TMEM94: variants seen among roughly 807,000 people sequenced by gnomAD.
TMEM94 encodes the protein ER Mg2+ ATPase.
Under a neutral mutation model 158.6 loss-of-function variants are expected in TMEM94, and 81 were observed. That is an observed-to-expected ratio of 0.51 (90% CI 0.43 to 0.61). The LOEUF (loss-of-function observed/expected upper bound fraction) is 0.61. Among genes scored for constraint, TMEM94 ranks in the 20% least tolerant of loss-of-function variants. The pLI is 0.00. For synonymous variants in TMEM94, 751 were observed against 730.7 expected (o/e 1.03, Z -0.45); for missense variants, 1,435 against 1,762.0 (o/e 0.81, Z 3.32).
chr17:75,471,022 A>G lies in TMEM94; in HGVS notation c.-106-778A>G, dbSNP rs554539389. ...GGGAGGCTGAGGCGGGTGGATCACA[A>G]GGTCAGGAGTTCAAGACCAGCCTGG... On this transcript the variant is annotated intron_variant, in intron 1 of 31. Coordinates refer to ENST00000314256, the MANE Select transcript of TMEM94 (RefSeq NM_014738.6). Among the ~76,000 whole-genome samples, 52 of 151,768 alleles carry G rather than the reference A, an allele frequency of 3.4e-4. No homozygotes were observed. In the East Asian group the frequency reaches 9.9e-3, roughly 29 times the overall value.
At chr17:75,475,292 G>C (rs8069211) in intron 2 of TMEM94, among the ~76,000 whole-genome samples, 135,173 of 152,224 alleles carry the variant, frequency 0.89, 60,842 homozygotes, top group African/African-American at 0.97. Context: ...TTTGGGGGCC[G>C]CACAGGGAGT....
chr17:75,476,292 G>A (rs2050687434), intron 2 of TMEM94, among the ~76,000 whole-genome samples: 1 of 152,144 alleles, frequency 6.6e-6, no homozygotes, highest in Admixed American at 6.5e-5. Context: ...CTGGCTGCAT[G>A]GTGCCCCTCA....
rs199681448 is a variant in TMEM94, at chr17:75,489,334, C to T, written c.833C>T (p.Ser278Leu). The change falls in exon 8 of 32, where the codon TCG (serine) becomes TTG (leucine). Residue 278 changes from serine to leucine, a missense_variant. Physicochemically the swap from Ser to Leu is moderately radical, Grantham distance 145 (BLOSUM62 -2). Around this residue, in one of 3 missense-constraint regions of TMEM94, gnomAD observed 1,051 missense variants for 1,254.4 expected, o/e 0.84. Transcript: ENST00000314256. This position sits in a 1 kb window ranked among gnomAD's most constrained non-coding sequence, Gnocchi z 5.0. ...ALDNERFTVQ[S>L]VMLHYAVPVV... ...GACAATGAGCGGTTCACAGTGCAGT[C>T]GGTGATGCTACACTATGCTGTGCCC... 3.9e-5 allele frequency: 63 copies of T among 1,614,146 alleles called. No individual in the cohort carries two copies. The highest frequency in any genetic ancestry group is 1.6e-4 in the Middle Eastern group (1 of 6,062).
chr17:75,485,370 C>T lies in TMEM94; in HGVS notation c.25-58C>T, dbSNP rs2051502913. On this transcript the variant is annotated intron_variant, in intron 2 of 31. Coordinates refer to ENST00000314256, the MANE Select transcript of TMEM94 (RefSeq NM_014738.6). The surrounding 1 kb of genome is among the most constrained non-coding windows in gnomAD (Gnocchi z 5.5). The stretch of plus-strand genomic sequence containing the variant: ...CAGGGAAGGGGAGGGTTGGGGCCCG[C>T]GTGCCTTGCATAGCCTTGGCCTGGC... 1.2e-5 allele frequency: 19 copies of T among 1,579,706 alleles called. No individual in the cohort carries two copies. Among genetic ancestry groups the T allele is most frequent in the South Asian group, 7.8e-5 (7 of 89,608 alleles).
intron 2 of TMEM94, among the ~76,000 whole-genome samples, chr17:75,482,632 A>C (rs2051270261): frequency 6.6e-6 from 1 of 152,192 alleles, no homozygotes; most frequent in Non-Finnish European, 1.5e-5. Context: ...TGGAGCCTAG[A>C]CATCCACCAC....
chr17:75,483,930 TAC>T (rs1421268499), intron 2 of TMEM94, among the ~76,000 whole-genome samples: 2 of 152,144 alleles, frequency 1.3e-5, no homozygotes, highest in Non-Finnish European at 2.9e-5. Context: ...TCTGGAAACC[TAC>T]AGAGGTTGGT....
intron 1 of TMEM94, among the ~76,000 whole-genome samples, chr17:75,465,745 C>A (rs2050289995): frequency 6.7e-6 from 1 of 149,918 alleles, no homozygotes. Flanking sequence ...TGGTATGTTG[C>A]TCAGGCTAGA....
intron 2 of TMEM94, among the ~76,000 whole-genome samples, chr17:75,475,188 C>T (rs531435565): frequency 1.3e-5 from 2 of 152,314 alleles, no homozygotes; most frequent in East Asian, 1.9e-4. Flanking sequence ...GAAGCTGACC[C>T]CCACTGCCAA....
In TMEM94 at chr17:75,498,047, C is replaced by A; in HGVS notation, c.3490-128C>A. On this transcript the variant is annotated intron_variant, in intron 27 of 31. Transcript: ENST00000314256. The surrounding 1 kb of genome is among the most constrained non-coding windows in gnomAD (Gnocchi z 6.7). Reference sequence around the variant, plus strand: ...GGCACAGAGCTGGGAAAGACCCTTGCTGGGGCTTGAGCTCCCTATCCCCCC... The same window carrying A: ...GGCACAGAGCTGGGAAAGACCCTTGATGGGGCTTGAGCTCCCTATCCCCCC... 1 of 1,315,338 alleles carries A rather than the reference C, an allele frequency of 7.6e-7. No individual in the cohort carries two copies. Among genetic ancestry groups the A allele is most frequent in the Non-Finnish European group, 1.1e-6 (1 of 946,410 alleles). 81.5% of individuals were successfully genotyped at this position (1,315,338 alleles called of 1,614,324 possible).
Position 75,491,911 on chromosome 17 carries a change from G to C in TMEM94, c.1596+11G>C, listed in dbSNP as rs201760105. 2 of 1,600,830 alleles carry C rather than the reference G, an allele frequency of 1.2e-6. No homozygotes were observed. Among genetic ancestry groups the C allele is most frequent in the South Asian group, 1.1e-5 (1 of 89,644 alleles). On this transcript the variant is annotated intron_variant, in intron 14 of 31. Transcript: ENST00000314256. The surrounding 1 kb of genome is among the most constrained non-coding windows in gnomAD (Gnocchi z 5.1). ...GAAGAGCCCAGCAAGGTGACGGGAG[G>C]GGGTGGCACGGGGCAGCCACACCCT...
At chr17:75,463,740 T>C (rs2050193073) in intron 1 of TMEM94, among the ~76,000 whole-genome samples, 1 of 152,200 alleles carries the variant, frequency 6.6e-6, no homozygotes, top group African/African-American at 2.4e-5. Context: ...CACTTCAGCC[T>C]GTTGAGAGCT....
At chr17:75,478,003 CTTTTTTTTTTTTT>C (rs909668190) in intron 2 of TMEM94, among the ~76,000 whole-genome samples, 10 of 57,916 alleles carry the variant, frequency 1.7e-4, no homozygotes, top group Non-Finnish European at 2.4e-4. Context: ...GAGACTCCAT[CTTTTTTTTTTTTT>C]TTTTTTTTTT....
In TMEM94 at chr17:75,485,525, G is replaced by T. The variant is rs894028340; in HGVS notation, c.122G>T (p.Arg41Leu). 1 of 1,614,074 alleles carries T rather than the reference G, an allele frequency of 6.2e-7. No individual in the cohort carries two copies. Among genetic ancestry groups the T allele is most frequent in the Non-Finnish European group, 8.5e-7 (1 of 1,180,038 alleles). ...EAVLEGHLRE[R>L]KKCLTWKEVW... ...GTGCTGGAAGGACATCTCAGGGAGCGGAAGAAGTGTCTGACGTGGAAGGTG... is the reference window on the plus strand; with the variant it reads ...GTGCTGGAAGGACATCTCAGGGAGCTGAAGAAGTGTCTGACGTGGAAGGTG... Residue 41 changes from arginine to leucine, a missense_variant, in exon 3 of 32, where the codon CGG becomes CTG. Arg to Leu is a moderately radical substitution (Grantham distance 102). Around this residue, in one of 3 missense-constraint regions of TMEM94, gnomAD observed 1,051 missense variants for 1,254.4 expected, o/e 0.84. Transcript: ENST00000314256. This position sits in a 1 kb window ranked among gnomAD's most constrained non-coding sequence, Gnocchi z 5.5.
chr17:75,495,407 G>C lies in TMEM94; in HGVS notation c.2844+8G>C. Reference sequence around the variant, plus strand: ...CTGGAGGACTCCAACCGGGTACGATGGCAGGATCTGTCTCACGTGTTCCTG... The same window carrying C: ...CTGGAGGACTCCAACCGGGTACGATCGCAGGATCTGTCTCACGTGTTCCTG... On this transcript the variant is annotated splice_region_variant and intron_variant, in intron 21 of 31. Transcript: ENST00000314256. The surrounding 1 kb of genome is among the most constrained non-coding windows in gnomAD (Gnocchi z 5.6). The C allele has an allele frequency of 9.9e-6, 16 of 1,610,532 alleles. No individual in the cohort carries two copies. Among genetic ancestry groups the C allele is most frequent in the Middle Eastern group, 1.7e-4 (1 of 6,056 alleles).
Position 75,489,636 on chromosome 17 carries a change from T to A in TMEM94, c.928T>A (p.Trp310Arg). The A allele has an allele frequency of 6.2e-7, 1 of 1,614,002 alleles. No homozygotes were observed. Among genetic ancestry groups the A allele is most frequent in the Non-Finnish European group, 8.5e-7 (1 of 1,179,942 alleles). The change falls in exon 9 of 32, where the codon TGG becomes AGG. Residue 310 changes from tryptophan (W) to arginine (R), a missense_variant. This residue lies in a region of TMEM94 where 1,051 missense variants were observed against 1,254.4 expected (regional missense o/e 0.84). Transcript: ENST00000314256. The surrounding 1 kb of genome is among the most constrained non-coding windows in gnomAD (Gnocchi z 5.0). ...FIFSAPGVTS[W>R]QYTLLQLQVN... Reference sequence around the variant, plus strand: ...CTTCAGTGCCCCGGGGGTCACTTCCTGGCAGTACACCCTCCTCCAGCTCCA... The same window carrying A: ...CTTCAGTGCCCCGGGGGTCACTTCCAGGCAGTACACCCTCCTCCAGCTCCA...
At chr17:75,480,094 G>GAA (rs11440424) in intron 2 of TMEM94, among the ~76,000 whole-genome samples, 4 of 136,692 alleles carry the variant, frequency 2.9e-5, no homozygotes, top group African/African-American at 7.9e-5. Context: ...GGTCTCAAAG[G>GAA]AAAAAAAAAA....
At chr17:75,486,217 G>C in intron 4 of TMEM94, 73 bp from the exon 5 acceptor site, 1 of 1,592,734 alleles carries the variant, frequency 6.3e-7, no homozygotes, top group East Asian at 2.2e-5. Context: ...GGGAAGGGGA[G>C]CTGTGGCCTG....
intron 2 of TMEM94, among the ~76,000 whole-genome samples, chr17:75,481,867 G>T (rs1407412565): frequency 2.0e-5 from 3 of 152,236 alleles, no homozygotes; most frequent in Non-Finnish European, 4.4e-5. Flanking sequence ...GTCCTGGAAA[G>T]ACTCACTTCT....
chr17:75,493,926 G>C lies in TMEM94; in HGVS notation c.2407+10G>C. ...AGCTGGAGCTCTGACGGTACCTCAT[G>C]GGTCTGTCCAGCGGGGCTGGTGCTG... On this transcript the variant is annotated intron_variant, in intron 18 of 31. Transcript: ENST00000314256. 6.2e-7 allele frequency: 1 copy of C among 1,608,606 alleles called. No individual in the cohort carries two copies. Among genetic ancestry groups the C allele is most frequent in the Non-Finnish European group, 8.5e-7 (1 of 1,178,896 alleles).
Sources: allele counts gnomAD v4.1 joint callset (sites outside exome capture counted in the v4.1 genomes callset), GRCh38; gene constraint gnomAD v4.1.1; regional missense constraint gnomAD v4.1.1; non-coding constraint Gnocchi (gnomAD v3.1); transcripts MANE v1.5; gene names NCBI Gene and HGNC (gene_info 2026-07-23, HGNC 2026-07-21).